The following DSCAM variants were observed in gnomAD, a reference collection of about 807,000 sequenced individuals.
DSCAM encodes the protein cell adhesion molecule DSCAM.
A neutral mutation model predicts 217.7 loss-of-function variants in DSCAM; 47 were observed. That is an observed-to-expected ratio of 0.22 (90% CI 0.17 to 0.28). The LOEUF (loss-of-function observed/expected upper bound fraction) is 0.28. Ranked by LOEUF, DSCAM falls within the 10% of genes least tolerant of loss-of-function variation. The probability of loss-of-function intolerance (pLI) is 1.00; values close to 1 mark genes in which losing one functional copy is unlikely to be tolerated. For synonymous variants in DSCAM, 1,056 were observed against 1,015.3 expected (o/e 1.04, Z -0.76); for missense variants, 2,080 against 2,618.3 (o/e 0.79, Z 4.49).
intron 4 of DSCAM, among the ~76,000 whole-genome samples, chr21:40,358,549 G>A (rs574813409): frequency 1.3e-5 from 2 of 152,156 alleles, no homozygotes; most frequent in African/African-American, 2.4e-5. Flanking sequence ...ACTCACGCCT[G>A]TAATCCCAGC....
chr21:40,293,158 C>T (rs1010402078), intron 10 of DSCAM, among the ~76,000 whole-genome samples: 1 of 152,166 alleles, frequency 6.6e-6, no homozygotes, highest in African/African-American at 2.4e-5. Context: ...AAATAACACA[C>T]ATTATGTCCA....
intron 8 of DSCAM, among the ~76,000 whole-genome samples, chr21:40,334,546 A>T (rs936658261): frequency 6.6e-6 from 1 of 152,038 alleles, no homozygotes; most frequent in Non-Finnish European, 1.5e-5. Context: ...AGCCACCATC[A>T]TCTCTCACCT....
chr21:40,227,700 A>T (rs1166470126), intron 11 of DSCAM, among the ~76,000 whole-genome samples: 3 of 152,202 alleles, frequency 2.0e-5, no homozygotes. Context: ...ACATTTTAGA[A>T]TACATTTAGA....
intron 18 of DSCAM, among the ~76,000 whole-genome samples, chr21:40,139,112 G>C (rs1054312825): frequency 6.9e-6 from 1 of 145,018 alleles, no homozygotes; most frequent in African/African-American, 2.6e-5. Context: ...GTGGTGTGTG[G>C]TGTGTGTATG....
At chr21:40,134,870 T>G (rs1244444378) in intron 18 of DSCAM, among the ~76,000 whole-genome samples, 1 of 152,166 alleles carries the variant, frequency 6.6e-6, no homozygotes, top group Non-Finnish European at 1.5e-5. Context: ...CAACCCCTCT[T>G]TTTACCTGGA....
intron 27 of DSCAM, among the ~76,000 whole-genome samples, chr21:40,065,370 AAAG>A (rs1369076151): frequency 6.6e-6 from 1 of 152,088 alleles, no homozygotes; most frequent in Admixed American, 6.6e-5. Flanking sequence ...GAGAGTGCAA[AAAG>A]AAGATGGCAA....
At chr21:40,665,694 G>A (rs2090191408) in intron 3 of DSCAM, among the ~76,000 whole-genome samples, 1 of 152,176 alleles carries the variant, frequency 6.6e-6, no homozygotes, top group Non-Finnish European at 1.5e-5. Flanking sequence ...CACAGACACA[G>A]CTGGCACTAC....
chr21:40,144,341 G>A lies in DSCAM; in HGVS notation c.3259+150C>T. The A allele has an allele frequency of 1.5e-6, 2 of 1,305,254 alleles. No homozygotes were observed. Among genetic ancestry groups the A allele is most frequent in the Non-Finnish European group, 2.1e-6 (2 of 948,758 alleles). 80.9% of individuals were successfully genotyped at this position (1,305,254 alleles called of 1,614,324 possible). A position where few individuals can be genotyped will look rare whatever the true frequency, so the allele number is the denominator to read the frequency against. Reference sequence around the variant, plus strand: ...AGATCAGCGGGGTGGGCGAGGTCACGAGGGAAGGCTTTTCCACCCGAGACC... The same window carrying A: ...AGATCAGCGGGGTGGGCGAGGTCACAAGGGAAGGCTTTTCCACCCGAGACC... On this transcript the variant is annotated intron_variant, in intron 17 of 32. Coordinates refer to ENST00000400454, the MANE Select transcript of DSCAM (RefSeq NM_001389.5). The surrounding 1 kb of genome is among the most constrained non-coding windows in gnomAD (Gnocchi z 4.8).
chr21:40,313,004 C>A (rs1293831970), intron 8 of DSCAM, among the ~76,000 whole-genome samples: 2 of 151,848 alleles, frequency 1.3e-5, no homozygotes, highest in Non-Finnish European at 2.9e-5. Context: ...CTGGTCCCAG[C>A]TACTGAGGAG....
chr21:40,489,516 T>G (rs113172474), intron 3 of DSCAM, among the ~76,000 whole-genome samples: 1 of 152,076 alleles, frequency 6.6e-6, no homozygotes, highest in Non-Finnish European at 1.5e-5. Flanking sequence ...GGCTCACGCC[T>G]GTAATCCCAG....
intron 1 of DSCAM, among the ~76,000 whole-genome samples, chr21:40,790,074 T>C (rs2091626923): frequency 6.6e-6 from 1 of 152,162 alleles, no homozygotes. Flanking sequence ...GATGATTTCT[T>C]ATCCTTTCTA....
intron 30 of DSCAM, among the ~76,000 whole-genome samples, chr21:40,045,288 A>T (rs2837381): frequency 2.0e-5 from 3 of 152,096 alleles, no homozygotes; most frequent in African/African-American, 7.2e-5. Context: ...CAGAGGGACC[A>T]TATTTTTATG....
chr21:40,784,030 CTCA>C lies in DSCAM; in HGVS notation c.43+62586_43+62588del, dbSNP rs200209862. On this transcript the variant is annotated intron_variant, in intron 1 of 32. Coordinates refer to ENST00000400454, the MANE Select transcript of DSCAM (RefSeq NM_001389.5). The stretch of plus-strand genomic sequence containing the variant: ...CTTTTAAAACAAATTTATAAAATAA[CTCA>C]TCTTTTATTATTTTATTTATAAATA... Among the ~76,000 whole-genome samples the C allele has an allele frequency of 7.3e-3, 1,086 of 149,790 alleles. 42 individuals carry two copies. The highest frequency in any genetic ancestry group is 4.7e-3 in the Non-Finnish European group (318 of 67,528).
intron 10 of DSCAM, among the ~76,000 whole-genome samples, chr21:40,278,298 T>C (rs1288735412): frequency 3.9e-5 from 6 of 152,204 alleles, no homozygotes; most frequent in African/African-American, 1.2e-4. Context: ...AAGAGGTTGG[T>C]AATCTTTCTG....
chr21:40,505,153 A>G (rs1290069451), intron 3 of DSCAM, among the ~76,000 whole-genome samples: 4 of 152,210 alleles, frequency 2.6e-5, no homozygotes, highest in South Asian at 4.1e-4. Context: ...AACTTTGAGA[A>G]TGAGTTAGAA....
intron 3 of DSCAM, among the ~76,000 whole-genome samples, chr21:40,634,717 C>G (rs1470714107): frequency 6.6e-6 from 1 of 152,184 alleles, no homozygotes; most frequent in Non-Finnish European, 1.5e-5. Flanking sequence ...TCATTTGAAG[C>G]CTGTGTATCT....
chr21:40,304,433 G>A (rs145842326), intron 9 of DSCAM, among the ~76,000 whole-genome samples: 41 of 152,356 alleles, frequency 2.7e-4, no homozygotes, highest in African/African-American at 8.9e-4. Context: ...TATTAGCAAC[G>A]AGGTTGTTTC....
rs2090911081 is a variant in DSCAM, at chr21:40,187,776, T to C, written c.2650+115A>G. 4 of 943,864 alleles carry C rather than the reference T, an allele frequency of 4.2e-6. No individual in the cohort carries two copies. In the Admixed American group the frequency reaches 7.7e-5, roughly 18 times the overall value. The allele number at this position is 943,864 out of a possible 1,614,324, so 58.5% of individuals were successfully genotyped here. ...GACATTATACATATTCAAAATTTCC[T>C]GGGAATTAGGAAGTGTTACATGGCA... On this transcript the variant is annotated intron_variant, in intron 13 of 32. Coordinates refer to ENST00000400454, the MANE Select transcript of DSCAM (RefSeq NM_001389.5).
chr21:40,489,787 A>T (rs867794170), intron 3 of DSCAM, among the ~76,000 whole-genome samples: 1 of 149,608 alleles, frequency 6.7e-6, no homozygotes, highest in Non-Finnish European at 1.5e-5. Context: ...AAAAAAAAAA[A>T]AAAAAAAAAA....
Sources: allele counts gnomAD v4.1 joint callset (sites outside exome capture counted in the v4.1 genomes callset), GRCh38; gene constraint gnomAD v4.1.1; non-coding constraint Gnocchi (gnomAD v3.1); transcripts MANE v1.5; gene names NCBI Gene and HGNC (gene_info 2026-07-23, HGNC 2026-07-21).